The following VEZT variants were observed in gnomAD, a reference collection of about 807,000 sequenced individuals.
VEZT encodes the protein vezatin, adherens junctions transmembrane protein, also known as vezatin.
VEZT carries 39 observed loss-of-function variants against 79.9 expected under a neutral mutation model. The ratio of observed to expected loss-of-function variants is 0.49; its 90% CI spans 0.38 to 0.64. The LOEUF (loss-of-function observed/expected upper bound fraction) is 0.64. VEZT is among the 30% of genes least tolerant of loss of function. The probability of loss-of-function intolerance (pLI) is 0.00; values close to 1 mark genes in which losing one functional copy is unlikely to be tolerated. For synonymous variants in VEZT, 325 were observed against 327.6 expected (o/e 0.99, Z 0.09); for missense variants, 837 against 893.1 (o/e 0.94, Z 0.80).
chr12:95,233,476 T>C (rs2059566333), intron 1 of VEZT, among the ~76,000 whole-genome samples: 1 of 152,222 alleles, frequency 6.6e-6, no homozygotes. Flanking sequence ...CTTGGCTCAC[T>C]GCAACCTCCG....
chr12:95,275,425 C>T (rs2067465634), intron 7 of VEZT, among the ~76,000 whole-genome samples: 1 of 152,010 alleles, frequency 6.6e-6, no homozygotes, highest in Non-Finnish European at 1.5e-5. Context: ...CATGGTGAAA[C>T]CCCACCTCTA....
At chr12:95,265,641 T>G (rs1341011652) in intron 4 of VEZT, among the ~76,000 whole-genome samples, 1 of 152,030 alleles carries the variant, frequency 6.6e-6, no homozygotes, top group Non-Finnish European at 1.5e-5. Flanking sequence ...TTATTATCAT[T>G]TTTATTAATG....
chr12:95,298,148 A>AATAATG (rs2139934138), intron 11 of VEZT, among the ~76,000 whole-genome samples: 1 of 151,334 alleles, frequency 6.6e-6, no homozygotes, highest in Non-Finnish European at 1.5e-5. Flanking sequence ...TAATAATAAT[A>AATAATG]ATAATTCATG....
At position 95,287,715 on chromosome 12, in the gene VEZT, A is replaced by G; in HGVS notation, c.1380A>G (p.Thr460=). 2 of 1,595,804 alleles carry G rather than the reference A, an allele frequency of 1.3e-6. No homozygotes were observed. Among genetic ancestry groups the G allele is most frequent in the South Asian group, 1.1e-5 (1 of 87,838 alleles). Reference sequence around the variant, plus strand: ...AAAAGCTTGTTTGTACTAAAGAAACACAAGAACTAGTGTCAGAGGCTTATC... The same window carrying G: ...AAAAGCTTGTTTGTACTAAAGAAACGCAAGAACTAGTGTCAGAGGCTTATC... ...ELEKLVCTKE[T]QELVSEAYPI... is the part of the protein sequence containing the mutation. The change falls in exon 9 of 12, where the codon ACA becomes ACG. Residue 460 remains threonine, a synonymous_variant. Transcript: ENST00000436874.
At chr12:95,269,868 A>C in intron 5 of VEZT, 183 bp from the exon 6 acceptor site, 3 of 582,796 alleles carry the variant, frequency 5.1e-6, no homozygotes, top group Non-Finnish European at 8.7e-6. Context: ...ATATATATAT[A>C]TCTAGTCACA....
At chr12:95,274,681 T>G in intron 6 of VEZT, 61 bp from the exon 7 acceptor site, 1 of 1,533,232 alleles carries the variant, frequency 6.5e-7, no homozygotes, top group Non-Finnish European at 8.8e-7. Context: ...ATAGGACAAT[T>G]TCACTGTATC....
intron 3 of VEZT, among the ~76,000 whole-genome samples, chr12:95,259,427 G>T (rs180828098): frequency 1.6e-4 from 24 of 152,238 alleles, no homozygotes; most frequent in Admixed American, 6.5e-4. Context: ...TGCTTACTAT[G>T]AGCCACTCTT....
rs2059066926 is a variant in VEZT, at chr12:95,230,232, AC to A, written c.36+12347del. On this transcript the variant is annotated intron_variant, in intron 1 of 11. Transcript: ENST00000436874. The stretch of plus-strand genomic sequence containing the variant: ...ACTATAGGAAATCAGTGTGCCCATT[AC>A]TTTTTATTTGAAACAATATATTTGA... Among the ~76,000 whole-genome samples, 4 of 151,924 alleles carry A rather than the reference AC, an allele frequency of 2.6e-5. No homozygotes were observed. In the South Asian group the frequency reaches 8.3e-4, roughly 32 times the overall value.
intron 1 of VEZT, among the ~76,000 whole-genome samples, chr12:95,221,636 A>G (rs1486861792): frequency 6.6e-6 from 1 of 151,906 alleles, no homozygotes; most frequent in Non-Finnish European, 1.5e-5. Flanking sequence ...TGAAGCCAGG[A>G]GTTTAAGACC....
chr12:95,218,370 A>G (rs1323044209), intron 1 of VEZT: 2 of 152,506 alleles, frequency 1.3e-5, no homozygotes, highest in Non-Finnish European at 2.9e-5. Context: ...ACACGGTTTA[A>G]AGTCTATTTG....
intron 6 of VEZT, among the ~76,000 whole-genome samples, chr12:95,273,062 A>G (rs2066941813): frequency 6.6e-6 from 1 of 152,244 alleles, no homozygotes; most frequent in Admixed American, 6.5e-5. Flanking sequence ...AAAAATCTGC[A>G]AAACTGACCT....
chr12:95,218,450 G>C (rs2057047904), intron 1 of VEZT: 1 of 152,222 alleles, frequency 6.6e-6, no homozygotes, highest in South Asian at 2.1e-4. Context: ...GTCCTTTGCT[G>C]TTGCGCTAGG....
intron 1 of VEZT, among the ~76,000 whole-genome samples, chr12:95,235,279 G>GT (rs2059895957): frequency 1.7e-5 from 1 of 57,154 alleles, no homozygotes; most frequent in African/African-American, 1.8e-4. Flanking sequence ...GGCTGGCCGG[G>GT]CGGGGGCTGA....
chr12:95,268,588 G>C (rs2065995532), intron 5 of VEZT, among the ~76,000 whole-genome samples: 1 of 152,160 alleles, frequency 6.6e-6, no homozygotes, highest in South Asian at 2.1e-4. Context: ...ATGGTTAGGC[G>C]TGTATAGAGG....
chr12:95,225,761 CAAAAAAAAAAAAAAAAAAA>C (rs531470163), intron 1 of VEZT, among the ~76,000 whole-genome samples: 3 of 40,850 alleles, frequency 7.3e-5, no homozygotes, highest in Non-Finnish European at 1.1e-4. Flanking sequence ...TGTTTCATAG[CAAAAAAAAAAAAAAAAAAA>C]AAAAAAAAAA....
chr12:95,241,365 G>A (rs1002690639), intron 1 of VEZT, among the ~76,000 whole-genome samples: 8 of 151,840 alleles, frequency 5.3e-5, no homozygotes, highest in Admixed American at 1.3e-4. Flanking sequence ...GTTTTGAGAC[G>A]AGTCTTGCAT....
intron 1 of VEZT, among the ~76,000 whole-genome samples, chr12:95,223,983 A>C (rs925632604): frequency 6.6e-6 from 1 of 152,208 alleles, no homozygotes; most frequent in Non-Finnish European, 1.5e-5. Flanking sequence ...TTGTATCACG[A>C]AAGTTTTGAA....
intron 6 of VEZT, among the ~76,000 whole-genome samples, chr12:95,271,290 G>A (rs1037698338): frequency 6.6e-6 from 1 of 151,910 alleles, no homozygotes. Flanking sequence ...CCTAAATGCC[G>A]GTCTGCTATA....
chr12:95,267,642 G>C (rs950846545), intron 5 of VEZT, among the ~76,000 whole-genome samples: 2 of 152,144 alleles, frequency 1.3e-5, no homozygotes, highest in African/African-American at 4.8e-5. Context: ...AATCCCAGTA[G>C]TTATCTTGTT....
Sources: allele counts gnomAD v4.1 joint callset (sites outside exome capture counted in the v4.1 genomes callset), GRCh38; gene constraint gnomAD v4.1.1; transcripts MANE v1.5; gene names NCBI Gene and HGNC (gene_info 2026-07-23, HGNC 2026-07-21).